The following DDX60 variants were observed in gnomAD, a reference collection of about 807,000 sequenced individuals.
DDX60 encodes probable ATP-dependent RNA helicase DDX60.
A neutral mutation model predicts 212.8 loss-of-function variants in DDX60; 165 were observed. That is an observed-to-expected ratio of 0.78 (90% CI 0.68 to 0.88). DDX60 has a LOEUF of 0.88. DDX60 is among the 40% of genes least tolerant of loss of function. The probability of loss-of-function intolerance (pLI) is 0.00; values close to 1 mark genes in which losing one functional copy is unlikely to be tolerated. For missense variants in DDX60, 1,905 were observed against 2,003.9 expected, an observed-to-expected ratio of 0.95 and a Z score of 0.94; for synonymous variants, 703 against 685.3, an observed-to-expected ratio of 1.03 and a Z score of -0.40.
At chr4:168,233,860 A>T (rs1342433012) in intron 33 of DDX60, among the ~76,000 whole-genome samples, 1 of 151,424 alleles carries the variant, frequency 6.6e-6, no homozygotes, top group Admixed American at 6.6e-5. Context: ...CTACTGAAAT[A>T]AAAAAAAATA....
At position 168,245,993 on chromosome 4, in the gene DDX60, C is replaced by T. The variant is rs140077340; in HGVS notation, c.4164+425G>A. The stretch of plus-strand genomic sequence containing the variant: ...CCTTATTTCAACGTTCTACATTTCC[C>T]ACATACTCCTAAGTTTGAGTTACTT... On this transcript the variant is annotated intron_variant, in intron 30 of 37. Transcript: ENST00000393743. Among the ~76,000 whole-genome samples the T allele has an allele frequency of 1.1e-4, 16 of 152,174 alleles. No homozygotes were observed. The East Asian group carries it at 2.7e-3, about 26-fold the overall frequency.
At chr4:168,260,197 G>A (rs1026076097) in intron 25 of DDX60, among the ~76,000 whole-genome samples, 2 of 151,958 alleles carry the variant, frequency 1.3e-5, no homozygotes, top group Admixed American at 6.6e-5. Flanking sequence ...CATGTGCCAT[G>A]TTGGTGTGCT....
At chr4:168,322,446 C>A (rs77605862), upstream of DDX60, among the ~76,000 whole-genome samples, 1,148 of 152,306 alleles carry the variant, frequency 7.5e-3, 46 homozygotes, top group East Asian at 0.11. Context: ...CTCATCATTT[C>A]TCATCTGGAT....
intron 30 of DDX60, among the ~76,000 whole-genome samples, chr4:168,239,140 A>C (rs974192052): frequency 2.6e-5 from 4 of 152,162 alleles, no homozygotes; most frequent in East Asian, 1.9e-4. Flanking sequence ...ATATTTACTG[A>C]ATGTCTACAT....
rs551444139 is a variant in DDX60, at chr4:168,236,100, T to C, written c.4533+152A>G. 36 of 653,630 alleles carry C rather than the reference T, an allele frequency of 5.5e-5. 1 individual carries two copies. Among genetic ancestry groups the C allele is most frequent in the South Asian group, 5.2e-4 (19 of 36,810 alleles). 40.5% of individuals were successfully genotyped at this position (653,630 alleles called of 1,614,324 possible). Reference sequence around the variant, plus strand: ...ACAGAGGGAGACATCAATTACAGATTAAATATCACACTGATTACAAAAAGA... The same window carrying C: ...ACAGAGGGAGACATCAATTACAGATCAAATATCACACTGATTACAAAAAGA... On this transcript the variant is annotated intron_variant, in intron 33 of 37. Transcript: ENST00000393743.
chr4:168,322,065 G>C (rs531234464), upstream of DDX60, among the ~76,000 whole-genome samples: 1 of 152,050 alleles, frequency 6.6e-6, no homozygotes, highest in African/African-American at 2.4e-5. Flanking sequence ...GCCTAAATCT[G>C]ATCTGGAACT....
At chr4:168,259,698 A>G (rs979274605) in intron 25 of DDX60, among the ~76,000 whole-genome samples, 2 of 150,200 alleles carry the variant, frequency 1.3e-5, no homozygotes, top group African/African-American at 4.9e-5. Flanking sequence ...TCCAGGATCT[A>G]GTATGTTATC....
chr4:168,253,978 C>T (rs67056977), intron 26 of DDX60, among the ~76,000 whole-genome samples: 14,784 of 152,198 alleles, frequency 0.097, 1,157 homozygotes, highest in African/African-American at 0.22. Flanking sequence ...GTCATCATTA[C>T]GTGTTAAGTA....
chr4:168,262,655 T>C, intron 23 of DDX60, 28 bp downstream of exon 23: 3 of 1,410,104 alleles, frequency 2.1e-6, no homozygotes, highest in Non-Finnish European at 3.0e-6. Flanking sequence ...TCCTCTATAA[T>C]AGGATTAATT....
chr4:168,221,878 T>C lies in DDX60; in HGVS notation c.4828A>G (p.Thr1610Ala), dbSNP rs751536620. 3.1e-6 allele frequency: 5 copies of C among 1,608,388 alleles called. No homozygotes were observed. The highest frequency in any genetic ancestry group is 4.3e-6 in the Non-Finnish European group (5 of 1,176,366). The change falls in exon 36 of 38, where the codon ACT (threonine) becomes GCT (alanine). Residue 1610 changes from threonine to alanine, a missense_variant. Thr to Ala is a moderately conservative substitution (Grantham distance 58, BLOSUM62 0). Coordinates refer to ENST00000393743, the MANE Select transcript of DDX60 (RefSeq NM_017631.6). Reference protein sequence around the residue: ...LLRLETPNHVTLGTIGVNRSQ... With the variant: ...LLRLETPNHVALGTIGVNRSQ... ...CGATTGACACCGATTGTGCCTAGAGTAACCTGAAAAAATACGATTATTCTT... is the reference window on the plus strand; with the variant it reads ...CGATTGACACCGATTGTGCCTAGAGCAACCTGAAAAAATACGATTATTCTT...
intron 30 of DDX60, among the ~76,000 whole-genome samples, chr4:168,242,686 C>G (rs752211649): frequency 1.3e-5 from 2 of 152,130 alleles, no homozygotes; most frequent in Non-Finnish European, 2.9e-5. Context: ...ATTTTACTAG[C>G]TCATAGGTAA....
chr4:168,233,058 G>A (rs1245066337), intron 33 of DDX60, among the ~76,000 whole-genome samples: 2 of 151,892 alleles, frequency 1.3e-5, no homozygotes, highest in African/African-American at 4.8e-5. Flanking sequence ...GACATGAATA[G>A]ACAATTCTCA....
At chr4:168,253,938 C>A (rs1734313027) in intron 26 of DDX60, among the ~76,000 whole-genome samples, 1 of 152,158 alleles carries the variant, frequency 6.6e-6, no homozygotes, top group African/African-American at 2.4e-5. Flanking sequence ...GAAGACAATT[C>A]TAAATATGAG....
intron 28 of DDX60, among the ~76,000 whole-genome samples, chr4:168,250,098 T>G (rs1222824176): frequency 1.3e-5 from 2 of 152,228 alleles, no homozygotes; most frequent in East Asian, 3.8e-4. Context: ...TGGGACACAC[T>G]ACACAAAACA....
intron 20 of DDX60, 25 bp downstream of exon 20, chr4:168,268,829 G>T: frequency 1.5e-6 from 2 of 1,290,964 alleles, no homozygotes; most frequent in Non-Finnish European, 2.2e-6. Context: ...TAAACACTCT[G>T]TCCAAATTGA....
chr4:168,229,395 G>A (rs1255282538), intron 33 of DDX60, among the ~76,000 whole-genome samples: 2 of 152,050 alleles, frequency 1.3e-5, no homozygotes, highest in Non-Finnish European at 2.9e-5. Flanking sequence ...GTCTCACAGG[G>A]GTCCTTGGGA....
chr4:168,267,782 C>A, intron 21 of DDX60, 59 bp downstream of exon 21: 3 of 1,541,226 alleles, frequency 1.9e-6, no homozygotes, highest in Middle Eastern at 1.7e-4. Flanking sequence ...AAGGCAATGG[C>A]AGATTTTTTA....
rs374605671 is a variant in DDX60 at position 168,293,842 on chromosome 4, T to C, written c.827A>G (p.His276Arg). 2.2e-5 allele frequency: 36 copies of C among 1,613,810 alleles called. No homozygotes were observed. The highest frequency in any genetic ancestry group is 3.0e-5 in the Non-Finnish European group (35 of 1,179,904). Residue 276 changes from histidine (H) to arginine (R), a missense_variant, in exon 7 of 38, where the codon CAT becomes CGT. Coordinates refer to ENST00000393743, the MANE Select transcript of DDX60 (RefSeq NM_017631.6). ...GGGCTCTCTGTTTCCTAAAAAGCGA[T>C]GGTACATTCTCAAAGATAATGAGCA... ...TSCSLSLRMY[H>R]RFLGNREPSS... is the part of the protein sequence containing the mutation.
At chr4:168,290,625 G>A (rs895676822) in intron 8 of DDX60, among the ~76,000 whole-genome samples, 1 of 151,834 alleles carries the variant, frequency 6.6e-6, no homozygotes, top group Non-Finnish European at 1.5e-5. Flanking sequence ...GAAAGTTCTG[G>A]GATTACAGGT....
Sources: allele counts gnomAD v4.1 joint callset (sites outside exome capture counted in the v4.1 genomes callset), GRCh38; gene constraint gnomAD v4.1.1; transcripts MANE v1.5; gene names NCBI Gene and HGNC (gene_info 2026-07-23, HGNC 2026-07-21).